Variants in EYA1 observed in about 807,000 individuals in gnomAD.
EYA1 encodes EYA transcriptional coactivator and phosphatase 1, also known as protein phosphatase EYA1.
Under a neutral mutation model 82.0 loss-of-function variants are expected in EYA1, and 16 were observed. The observed-to-expected ratio is 0.20, with a 90% CI of 0.13 to 0.30. The LOEUF (loss-of-function observed/expected upper bound fraction) is 0.30, where lower values mean the gene tolerates loss of function less well. EYA1 is among the 10% of genes least tolerant of loss of function. The pLI, the probability that EYA1 is intolerant of heterozygous loss-of-function variation, is 1.00. For missense variants in EYA1, 633 were observed against 730.7 expected (o/e 0.87, Z 1.54); for synonymous variants, 261 against 264.4 (o/e 0.99, Z 0.12).
rs533797663 is a variant in EYA1 at position 71,376,683 on chromosome 8, C to G, written c.34-20172G>C. 7.9e-5 allele frequency among the ~76,000 whole-genome samples: 12 copies of G among 152,264 alleles called. No individual in the cohort carries two copies. In the East Asian group the frequency reaches 2.3e-3, roughly 29 times the overall value. On this transcript the variant is annotated intron_variant, in intron 2 of 18. Coordinates refer to the EYA1 transcript ENST00000643681. Reference sequence around the variant, plus strand: ...TGTGGGTTTCAGGCAAAGAAAGAAACTAAGGATGACTGCAGTCTCTCCGCG... The same window carrying G: ...TGTGGGTTTCAGGCAAAGAAAGAAAGTAAGGATGACTGCAGTCTCTCCGCG...
At chr8:71,259,150 T>G (rs1177664740) in intron 11 of EYA1, among the ~76,000 whole-genome samples, 2 of 152,166 alleles carry the variant, frequency 1.3e-5, no homozygotes, top group Non-Finnish European at 2.9e-5. Context: ...ACAAAATACC[T>G]TTTTTACCCT....
intron 3 of EYA1, among the ~76,000 whole-genome samples, chr8:71,343,313 T>C (rs1024613020): frequency 1.3e-5 from 2 of 152,198 alleles, no homozygotes; most frequent in African/African-American, 2.4e-5. Flanking sequence ...GTTGGTGCTA[T>C]GGTTTGAGTA....
intron 1 of EYA1, among the ~76,000 whole-genome samples, chr8:71,543,899 C>A (rs1262797708): frequency 1.3e-5 from 2 of 152,158 alleles, no homozygotes; most frequent in Admixed American, 6.5e-5. Context: ...TACTCCAACA[C>A]CCATCTCCAA....
At chr8:71,199,478 C>T in intron 17 of EYA1, 58 bp from the exon 18 acceptor site, 2 of 1,280,138 alleles carry the variant, frequency 1.6e-6, no homozygotes, top group Non-Finnish European at 2.2e-6. Flanking sequence ...GCCCTGCCAG[C>T]TTTTTTGGAA....
At chr8:71,240,225 T>C (rs1812311049) in intron 12 of EYA1, among the ~76,000 whole-genome samples, 1 of 151,442 alleles carries the variant, frequency 6.6e-6, no homozygotes, top group Non-Finnish European at 1.5e-5. Flanking sequence ...CCTGGACTCA[T>C]CAAACTCATA....
chr8:71,525,676 G>C (rs1302231875), intron 2 of EYA1, among the ~76,000 whole-genome samples: 1 of 152,120 alleles, frequency 6.6e-6, no homozygotes, highest in Non-Finnish European at 1.5e-5. Flanking sequence ...TCCAGTTAAT[G>C]ATGTTTAATA....
At chr8:71,361,329 C>T (rs1376203118) in intron 1 of EYA1, among the ~76,000 whole-genome samples, 4 of 152,214 alleles carry the variant, frequency 2.6e-5, no homozygotes. Context: ...GATATGAAGT[C>T]ATCTCCCTGC....
At chr8:71,311,277 G>A (rs1821306854) in intron 7 of EYA1, among the ~76,000 whole-genome samples, 1 of 152,180 alleles carries the variant, frequency 6.6e-6, no homozygotes, top group Non-Finnish European at 1.5e-5. Context: ...GGAGAATAAA[G>A]GTTATTTATG....
In EYA1 at chr8:71,431,671, G is replaced by A. The variant is rs115990546; in HGVS notation, c.34-75160C>T. ...CATTCCTCCCTTCTTTTTGAGGAAA[G>A]TCTTCTTTTAAGGAAACTCAAGATA... is the stretch of plus-strand genomic sequence containing the variant. On this transcript the variant is annotated intron_variant, in intron 2 of 18. Transcript: ENST00000643681. 9.1e-3 allele frequency among the ~76,000 whole-genome samples: 1,380 copies of A among 152,184 alleles called. 30 individuals carry two copies. The highest frequency in any genetic ancestry group is 0.031 in the African/African-American group (1,302 of 41,524).
chr8:71,397,025 C>T (rs559219020), intron 2 of EYA1, among the ~76,000 whole-genome samples: 115 of 152,268 alleles, frequency 7.6e-4, no homozygotes, highest in African/African-American at 2.6e-3. Flanking sequence ...TTGAATTGAT[C>T]CCTTTACCAT....
intron 2 of EYA1, among the ~76,000 whole-genome samples, chr8:71,455,675 T>C (rs751206782): frequency 7.2e-5 from 11 of 152,042 alleles, no homozygotes; most frequent in Non-Finnish European, 1.5e-4. Context: ...TTATTCAACA[T>C]ATGCAGAAAA....
At chr8:71,530,854 G>A (rs1814211523) in intron 2 of EYA1, 1 of 152,178 alleles carries the variant, frequency 6.6e-6, no homozygotes, top group African/African-American at 2.4e-5. Context: ...AACTTAAAGG[G>A]AGACACAAGA....
chr8:71,346,448 A>ATATATATATATATATC (rs1554561621), intron 3 of EYA1, among the ~76,000 whole-genome samples: 94 of 135,272 alleles, frequency 6.9e-4, no homozygotes, highest in Middle Eastern at 7.9e-3. Flanking sequence ...ATATATATAT[A>ATATATATATATATATC]TATATATCTA....
intron 17 of EYA1, among the ~76,000 whole-genome samples, chr8:71,199,637 T>C (rs1806686662): frequency 6.6e-6 from 1 of 152,192 alleles, no homozygotes; most frequent in South Asian, 2.1e-4. Context: ...AGTCTGTTTC[T>C]TTGAAGAAGG....
At position 71,327,558 on chromosome 8, in the gene EYA1, C is replaced by T. The variant is rs201834730; in HGVS notation, c.203-5290G>A. Among the ~76,000 whole-genome samples, 13 of 152,248 alleles carry T rather than the reference C, an allele frequency of 8.5e-5. No individual in the cohort carries two copies. In the East Asian group the frequency reaches 1.5e-3, roughly 18 times the overall value. ...TAAAGAGTAAATGGGCCTCACTTTA[C>T]GATATTTGGAAACCATGATAAACAA... On this transcript the variant is annotated intron_variant, in intron 4 of 17. Coordinates refer to ENST00000340726, the MANE Select transcript of EYA1 (RefSeq NM_000503.6).
intron 1 of EYA1, among the ~76,000 whole-genome samples, chr8:71,547,127 A>G (rs543847604): frequency 1.9e-4 from 28 of 150,690 alleles, no homozygotes; most frequent in Middle Eastern, 6.8e-3. Context: ...ATTTACCTCT[A>G]CTTCTTTTAA....
chr8:71,300,263 A>G (rs1820061442), intron 7 of EYA1, among the ~76,000 whole-genome samples: 1 of 152,154 alleles, frequency 6.6e-6, no homozygotes, highest in South Asian at 2.1e-4. Context: ...AATATGATTA[A>G]TGTTTTATCT....
chr8:71,207,765 CAG>C (rs1229751681), intron 17 of EYA1, among the ~76,000 whole-genome samples: 2 of 151,106 alleles, frequency 1.3e-5, no homozygotes, highest in East Asian at 3.9e-4. Context: ...ACACAAATAT[CAG>C]AGTTTATTAT....
At chr8:71,314,636 C>G (rs1821712118) in intron 7 of EYA1, among the ~76,000 whole-genome samples, 1 of 151,988 alleles carries the variant, frequency 6.6e-6, no homozygotes, top group African/African-American at 2.4e-5. Flanking sequence ...CGTGAGTGCT[C>G]AAAAAGTTTT....
Sources: allele counts gnomAD v4.1 joint callset (sites outside exome capture counted in the v4.1 genomes callset), GRCh38; gene constraint gnomAD v4.1.1; transcripts MANE v1.5; gene names NCBI Gene and HGNC (gene_info 2026-07-23, HGNC 2026-07-21).